PMP22: variants seen among roughly 807,000 people sequenced by gnomAD.
The protein encoded by PMP22 is peripheral myelin protein 22.
In PMP22, 2 loss-of-function variants were observed where a neutral mutation model predicts 18.9. The ratio of observed to expected loss-of-function variants is 0.11; its 90% CI spans 0.04 to 0.33. PMP22 has a LOEUF of 0.33. Ranked by LOEUF, PMP22 falls within the 10% of genes least tolerant of loss-of-function variation. PMP22 has a pLI of 1.00. For missense variants in PMP22, 169 were observed against 202.2 expected, an observed-to-expected ratio of 0.84 and a Z score of 1.00; for synonymous variants, 95 against 89.2, an observed-to-expected ratio of 1.07 and a Z score of -0.37.
chr17:15,239,474 C>A lies in PMP22; in HGVS notation c.316G>T (p.Ala106Ser), dbSNP rs368223794. Reference protein sequence around the residue: ...FYITGIFQILAGLCVMSAAAI... With the variant: ...FYITGIFQILSGLCVMSAAAI... ...GACTTTACCATCCACAACTTACCAG[C>A]AAGAATTTGGAAGATTCCAGTGATG... The change falls in exon 4 of 5, where the codon GCT becomes TCT. Residue 106 changes from alanine (A) to serine (S), a missense_variant. Physicochemically the swap from Ala to Ser is moderately conservative, Grantham distance 99 (BLOSUM62 1). Transcript: ENST00000312280. 2 of 1,614,198 alleles carry A rather than the reference C, an allele frequency of 1.2e-6. No homozygotes were observed. Among genetic ancestry groups the A allele is most frequent in the Admixed American group, 3.3e-5 (2 of 60,024 alleles).
intron 1 of PMP22, 157 bp from the exon 2 acceptor site, chr17:15,260,918 C>T (rs1229717911): frequency 4.7e-6 from 2 of 424,334 alleles, no homozygotes; most frequent in Admixed American, 4.7e-5. Context: ...CGCCGCCTGC[C>T]GCCGAGAGGG....
chr17:15,236,093 G>C (rs1379679010), intron 4 of PMP22, among the ~76,000 whole-genome samples: 1 of 151,286 alleles, frequency 6.6e-6, no homozygotes, highest in African/African-American at 2.4e-5. Context: ...AGGACCTCAG[G>C]TGATTCTGAT....
rs1027177289 is a variant in PMP22 at position 15,258,654 on chromosome 17, G to A, written c.178+440C>T. 7.9e-6 allele frequency: 2 copies of A among 254,776 alleles called. No homozygotes were observed. Among genetic ancestry groups the A allele is most frequent in the African/African-American group, 4.4e-5 (2 of 45,650 alleles). 15.8% of individuals were successfully genotyped at this position (254,776 alleles called of 1,614,324 possible). On this transcript the variant is annotated intron_variant, in intron 3 of 4. Transcript: ENST00000312280. This position sits in a 1 kb window ranked among gnomAD's most constrained non-coding sequence, Gnocchi z 4.1. ...CCAGTCTTGTGTCCATGTAACTGAC[G>A]GTGCAGTGAGCTAGCCCCACTGTCA... is the stretch of plus-strand genomic sequence containing the variant.
intron 3 of PMP22, 40 bp downstream of exon 3, chr17:15,259,054 C>T (rs756840878): frequency 1.4e-5 from 20 of 1,385,672 alleles, no homozygotes; most frequent in East Asian, 4.6e-5. Flanking sequence ...GTGTTACAGG[C>T]GTCTGAGGAC....
chr17:15,263,966 A>C (rs1219583209), intron 1 of PMP22, among the ~76,000 whole-genome samples: 1 of 152,176 alleles, frequency 6.6e-6, no homozygotes, highest in Admixed American at 6.5e-5. Flanking sequence ...GAATTTGGGC[A>C]ATTTCTCAAG....
chr17:15,234,340 T>A (rs965728322), intron 4 of PMP22, among the ~76,000 whole-genome samples: 1 of 152,130 alleles, frequency 6.6e-6, no homozygotes, highest in East Asian at 1.9e-4. Flanking sequence ...ATTAAAGACT[T>A]CAAAGTGTAC....
Position 15,258,897 on chromosome 17 carries a change from T to C in PMP22, c.178+197A>G, listed in dbSNP as rs1429592384. ...CTCTAGGTAGAGTGAATCACAATGA[T>C]GCCCAGGATCTCAGCTTCCCCAGCG... On this transcript the variant is annotated intron_variant, in intron 3 of 4. Transcript: ENST00000312280. The surrounding 1 kb of genome is among the most constrained non-coding windows in gnomAD (Gnocchi z 4.1). 1 of 651,176 alleles carries C rather than the reference T, an allele frequency of 1.5e-6. No individual in the cohort carries two copies. The highest frequency in any genetic ancestry group is 2.8e-6 in the Non-Finnish European group (1 of 357,226). 40.3% of individuals were successfully genotyped at this position (651,176 alleles called of 1,614,324 possible).
chr17:15,248,526 T>A (rs1199954088), intron 3 of PMP22, among the ~76,000 whole-genome samples: 1 of 152,098 alleles, frequency 6.6e-6, no homozygotes, highest in Non-Finnish European at 1.5e-5. Context: ...TGCTAGTGAG[T>A]TTTTGGACTT....
intron 1 of PMP22, among the ~76,000 whole-genome samples, chr17:15,264,201 G>C (rs1274647690): frequency 6.6e-6 from 1 of 151,982 alleles, no homozygotes; most frequent in Non-Finnish European, 1.5e-5. Flanking sequence ...AAAGTAGCTT[G>C]TAACTCTGAT....
chr17:15,245,824 G>A (rs924918414), intron 3 of PMP22, among the ~76,000 whole-genome samples: 5 of 151,616 alleles, frequency 3.3e-5, no homozygotes, highest in Non-Finnish European at 7.4e-5. Context: ...GGCTAACACA[G>A]TGAAAACCCG....
At chr17:15,246,225 C>T (rs1035644165) in intron 3 of PMP22, among the ~76,000 whole-genome samples, 1 of 152,172 alleles carries the variant, frequency 6.6e-6, no homozygotes, top group Non-Finnish European at 1.5e-5. Context: ...AGAGCAAATA[C>T]TTTAGGCTTT....
rs1364115007 is a variant in PMP22, at chr17:15,258,857, G to A, written c.178+237C>T. 2 of 585,796 alleles carry A rather than the reference G, an allele frequency of 3.4e-6. No individual in the cohort carries two copies. The highest frequency in any genetic ancestry group is 6.2e-6 in the Non-Finnish European group (2 of 322,896). The allele number at this position is 585,796 out of a possible 1,614,324, so 36.3% of individuals were successfully genotyped here. ...AGCATTATCCTAAGTGATCAGGAGG[G>A]CACTAAGGGCATGTCTCTAGGTAGA... On this transcript the variant is annotated intron_variant, in intron 3 of 4. Transcript: ENST00000312280. The surrounding 1 kb of genome is among the most constrained non-coding windows in gnomAD (Gnocchi z 4.1).
intron 4 of PMP22, among the ~76,000 whole-genome samples, chr17:15,237,170 T>A (rs1906888165): frequency 6.6e-6 from 1 of 152,044 alleles, no homozygotes; most frequent in Non-Finnish European, 1.5e-5. Context: ...GAAGCAAGAG[T>A]GGATTAGTAA....
chr17:15,259,938 CAAAAAAA>C (rs61415317), intron 2 of PMP22, among the ~76,000 whole-genome samples: 8 of 97,876 alleles, frequency 8.2e-5, no homozygotes, highest in Non-Finnish European at 1.3e-4. Flanking sequence ...GACTCCATCT[CAAAAAAA>C]AAAAAAAAAA....
intron 4 of PMP22, among the ~76,000 whole-genome samples, chr17:15,234,693 A>G (rs1289552500): frequency 1.3e-5 from 2 of 152,186 alleles, no homozygotes; most frequent in Non-Finnish European, 2.9e-5. Context: ...GGCCAGTGAG[A>G]CATCCATAAT....
intron 4 of PMP22, among the ~76,000 whole-genome samples, chr17:15,231,612 A>T (rs1463980613): frequency 7.2e-5 from 11 of 152,230 alleles, no homozygotes; most frequent in Admixed American, 7.2e-4. Flanking sequence ...GCCACATACC[A>T]GGTGAAGCAA....
chr17:15,250,854 C>T (rs780946725), intron 3 of PMP22, among the ~76,000 whole-genome samples: 5 of 152,166 alleles, frequency 3.3e-5, no homozygotes, highest in Non-Finnish European at 5.9e-5. Context: ...TCATTGTCAT[C>T]TCAGTGTCAT....
chr17:15,241,020 G>T (rs1907272945), intron 3 of PMP22, among the ~76,000 whole-genome samples: 1 of 152,146 alleles, frequency 6.6e-6, no homozygotes, highest in African/African-American at 2.4e-5. Context: ...TTTAGAGTTG[G>T]AAGAAACCTG....
chr17:15,252,884 C>G (rs1397282765), intron 3 of PMP22, among the ~76,000 whole-genome samples: 1 of 152,192 alleles, frequency 6.6e-6, no homozygotes, highest in East Asian at 1.9e-4. Context: ...GCCCTTCTAG[C>G]TCTTGGGCTC....
Sources: allele counts gnomAD v4.1 joint callset (sites outside exome capture counted in the v4.1 genomes callset), GRCh38; gene constraint gnomAD v4.1.1; non-coding constraint Gnocchi (gnomAD v3.1); transcripts MANE v1.5; gene names NCBI Gene and HGNC (gene_info 2026-07-23, HGNC 2026-07-21).